Variants in C12orf42 observed in about 807,000 individuals in gnomAD.
C12orf42 encodes the protein chromosome 12 open reading frame 42.
C12orf42 carries 25 observed loss-of-function variants against 21.6 expected under a neutral mutation model. That is an observed-to-expected ratio of 1.16 (90% CI 0.84 to 1.62). C12orf42 has a LOEUF of 1.62. C12orf42 is among the 40% of genes most tolerant of loss of function. The probability of loss-of-function intolerance (pLI) is 0.00; values close to 1 mark genes in which losing one functional copy is unlikely to be tolerated. For synonymous variants in C12orf42, 174 were observed against 175.0 expected, an observed-to-expected ratio of 0.99 and a Z score of 0.05; for missense variants, 483 against 459.3, an observed-to-expected ratio of 1.05 and a Z score of -0.47.
chr12:103,384,163 T>C (rs2046408056), intron 3 of C12orf42, among the ~76,000 whole-genome samples: 1 of 152,214 alleles, frequency 6.6e-6, no homozygotes, highest in East Asian at 1.9e-4. Flanking sequence ...TTAAAAAAAC[T>C]GTAATAGCAG....
intron 2 of C12orf42, among the ~76,000 whole-genome samples, chr12:103,406,107 T>C (rs576320722): frequency 1.3e-5 from 2 of 152,302 alleles, no homozygotes; most frequent in East Asian, 1.9e-4. Context: ...CAAAGGCATT[T>C]AAATATCAAT....
chr12:103,093,297 G>A, the C12orf42 span, among the ~76,000 whole-genome samples: 3 of 152,082 alleles, frequency 2.0e-5, no homozygotes, highest in Non-Finnish European at 4.4e-5. Flanking sequence ...TTTGCAGCAG[G>A]ATATTTTTGT....
At chr12:103,518,638 T>C in the C12orf42 span, among the ~76,000 whole-genome samples, 1 of 152,176 alleles carries the variant, frequency 6.6e-6, no homozygotes, top group Non-Finnish European at 1.5e-5. Flanking sequence ...AAAGGACATA[T>C]AAAGTTAGAA....
intron 3 of C12orf42, among the ~76,000 whole-genome samples, chr12:103,370,799 G>A (rs2045141113): frequency 6.6e-6 from 1 of 152,110 alleles, no homozygotes; most frequent in Non-Finnish European, 1.5e-5. Context: ...ATTACCTGGT[G>A]AGGAAGTTGT....
chr12:103,546,428 C>T, the C12orf42 span, among the ~76,000 whole-genome samples: 15 of 152,216 alleles, frequency 9.9e-5, no homozygotes, highest in African/African-American at 3.4e-4. Flanking sequence ...AATTATCACT[C>T]CTTTTGTGGT....
chr12:103,251,085 A>T (rs576282404), intron 10 of C12orf42, among the ~76,000 whole-genome samples: 46 of 152,252 alleles, frequency 3.0e-4, no homozygotes, highest in Admixed American at 7.9e-4. Context: ...GCCATTCACT[A>T]CTTGATATGC....
At chr12:103,487,591 A>C (rs1954920186) in intron 1 of C12orf42, among the ~76,000 whole-genome samples, 2 of 152,170 alleles carry the variant, frequency 1.3e-5, no homozygotes, top group Admixed American at 1.3e-4. Context: ...TGGGAGTCTA[A>C]GTCTCTTTGT....
chr12:103,502,899 A>G, the C12orf42 span, among the ~76,000 whole-genome samples: 1 of 152,208 alleles, frequency 6.6e-6, no homozygotes, highest in Non-Finnish European at 1.5e-5. Flanking sequence ...TTTGTTCCTC[A>G]TGAGTTTTGA....
chr12:103,352,594 G>A (rs1310960087), intron 4 of C12orf42, among the ~76,000 whole-genome samples: 1 of 151,990 alleles, frequency 6.6e-6, no homozygotes, highest in Non-Finnish European at 1.5e-5. Context: ...CCTCTTTAAA[G>A]TCCCCGTGCA....
chr12:103,100,975 T>C, the C12orf42 span, among the ~76,000 whole-genome samples: 3 of 152,276 alleles, frequency 2.0e-5, no homozygotes, highest in East Asian at 5.8e-4. Context: ...GGTAGTGAGG[T>C]GGAAAGAGTG....
At chr12:103,521,189 A>G in the C12orf42 span, among the ~76,000 whole-genome samples, 12 of 152,298 alleles carry the variant, frequency 7.9e-5, no homozygotes, top group Non-Finnish European at 1.6e-4. Flanking sequence ...CTTGAGTTCC[A>G]ACTAAAACTG....
chr12:103,167,850 T>C, the C12orf42 span, among the ~76,000 whole-genome samples: 1 of 151,142 alleles, frequency 6.6e-6, no homozygotes, highest in Non-Finnish European at 1.5e-5. Context: ...CAGAAAGAAA[T>C]ATGTAACATA....
At chr12:103,072,306 G>A in the C12orf42 span, among the ~76,000 whole-genome samples, 34 of 152,136 alleles carry the variant, frequency 2.2e-4, no homozygotes, top group African/African-American at 7.0e-4. Flanking sequence ...TAATAATAAT[G>A]TTCAAAATGT....
At chr12:103,338,894 T>G (rs1385871903) in intron 4 of C12orf42, among the ~76,000 whole-genome samples, 5 of 152,274 alleles carry the variant, frequency 3.3e-5, no homozygotes, top group Admixed American at 2.0e-4. Flanking sequence ...AGGAGCTGAA[T>G]TCACTTCTGT....
At chr12:103,450,033 TTC>T (rs952565509) in intron 2 of C12orf42, among the ~76,000 whole-genome samples, 1 of 152,054 alleles carries the variant, frequency 6.6e-6, no homozygotes, top group African/African-American at 2.4e-5. Flanking sequence ...TTATTGAATT[TTC>T]TGTTTCTTGC....
At chr12:103,363,067 T>C (rs1431499999) in intron 4 of C12orf42, among the ~76,000 whole-genome samples, 1 of 151,878 alleles carries the variant, frequency 6.6e-6, no homozygotes, top group Non-Finnish European at 1.5e-5. Context: ...AAAGTCAAGA[T>C]AAAGGAAAGA....
chr12:103,350,011 T>G (rs2042973787), intron 4 of C12orf42, among the ~76,000 whole-genome samples: 2 of 152,182 alleles, frequency 1.3e-5, no homozygotes, highest in South Asian at 4.1e-4. Flanking sequence ...TGGAAAGGGT[T>G]AAATGTATTT....
At chr12:103,180,305 A>T in the C12orf42 span, among the ~76,000 whole-genome samples, 1 of 152,244 alleles carries the variant, frequency 6.6e-6, no homozygotes, top group African/African-American at 2.4e-5. Flanking sequence ...GGCAAGTAGG[A>T]AAAAAACATG....
At chr12:103,487,357 G>C (rs1954903310) in intron 1 of C12orf42, among the ~76,000 whole-genome samples, 1 of 152,160 alleles carries the variant, frequency 6.6e-6, no homozygotes, top group Non-Finnish European at 1.5e-5. Context: ...CATTTGCTGA[G>C]GAGTGCTTTA....
Sources: allele counts gnomAD v4.1 joint callset (sites outside exome capture counted in the v4.1 genomes callset), GRCh38; gene constraint gnomAD v4.1.1; transcripts MANE v1.5; gene names NCBI Gene and HGNC (gene_info 2026-07-23, HGNC 2026-07-21).